SEC61A2: variants seen among roughly 807,000 people sequenced by gnomAD.
SEC61A2 encodes protein transport protein Sec61 subunit alpha isoform 2.
SEC61A2 carries 28 observed loss-of-function variants against 59.9 expected under a neutral mutation model. That is an observed-to-expected ratio of 0.47 (90% CI 0.35 to 0.64). The LOEUF (loss-of-function observed/expected upper bound fraction) is 0.64. Among genes scored for constraint, SEC61A2 ranks in the 30% least tolerant of loss-of-function variants. The probability of loss-of-function intolerance (pLI) is 0.01; values close to 1 mark genes in which losing one functional copy is unlikely to be tolerated. For synonymous variants in SEC61A2, 202 were observed against 214.4 expected, an observed-to-expected ratio of 0.94 and a Z score of 0.50; for missense variants, 340 against 585.9, an observed-to-expected ratio of 0.58 and a Z score of 4.33.
At position 12,131,712 on chromosome 10, in the gene SEC61A2, A is replaced by T. The variant is rs1366867581; in HGVS notation, c.8-1529A>T. Among the ~76,000 whole-genome samples the T allele has an allele frequency of 8.5e-3, 180 of 21,068 alleles. 4 individuals carry two copies. The highest frequency in any genetic ancestry group is 0.02 in the African/African-American group (153 of 7,666). 13.8% of individuals were successfully genotyped at this position (21,068 alleles called of 152,430 possible). The stretch of plus-strand genomic sequence containing the variant: ...TTTTTTTTTTTTTTTTTTTTTTTTG[A>T]GACGGTCTCTCTCTGCTGCCCAGGC... On this transcript the variant is annotated intron_variant, in intron 1 of 11. Transcript: ENST00000298428.
intron 3 of SEC61A2, among the ~76,000 whole-genome samples, chr10:12,137,770 G>A (rs1833920810): frequency 6.6e-6 from 1 of 152,136 alleles, no homozygotes; most frequent in South Asian, 2.1e-4. Context: ...ACTTTGGCAG[G>A]CCAAAGTGGG....
Position 12,129,685 on chromosome 10 carries a change from G to A in SEC61A2, c.-103G>A. ...GGTTGGGCGGAGCCTGCGCGGGGCC[G>A]GTAGGATCGCGTCGGGAGCCGGTAC... On this transcript the variant is annotated 5_prime_UTR_variant, in exon 1 of 12. Coordinates refer to ENST00000298428, the MANE Select transcript of SEC61A2 (RefSeq NM_018144.4). The surrounding 1 kb of genome is among the most constrained non-coding windows in gnomAD (Gnocchi z 5.6). The A allele has an allele frequency of 8.5e-7, 1 of 1,173,456 alleles. No individual in the cohort carries two copies. Among genetic ancestry groups the A allele is most frequent in the Non-Finnish European group, 1.2e-6 (1 of 847,198 alleles). The allele number at this position is 1,173,456 out of a possible 1,614,324, so 72.7% of individuals were successfully genotyped here. A position where few individuals can be genotyped will look rare whatever the true frequency, so the allele number is the denominator to read the frequency against.
At position 12,158,535 on chromosome 10, in the gene SEC61A2, A is replaced by G. The variant is rs1306318174; in HGVS notation, c.975+430A>G. ...CACCTGAGGTCAGGAGTTCGAGACC[A>G]GCCTGGCCACATGGTGAAACCCCGT... On this transcript the variant is annotated intron_variant, in intron 9 of 11. Transcript: ENST00000298428. This position sits in a 1 kb window ranked among gnomAD's most constrained non-coding sequence, Gnocchi z 5.7. Among the ~76,000 whole-genome samples, 2 of 152,136 alleles carry G rather than the reference A, an allele frequency of 1.3e-5. No individual in the cohort carries two copies. The highest frequency in any genetic ancestry group is 6.5e-5 in the Admixed American group (1 of 15,268).
Position 12,142,870 on chromosome 10 carries a change from T to C in SEC61A2, c.142-247T>C, listed in dbSNP as rs1261829825. 2.0e-5 allele frequency among the ~76,000 whole-genome samples: 3 copies of C among 152,220 alleles called. No individual in the cohort carries two copies. The highest frequency in any genetic ancestry group is 2.9e-5 in the Non-Finnish European group (2 of 68,046). On this transcript the variant is annotated intron_variant, in intron 3 of 11. Coordinates refer to ENST00000298428, the MANE Select transcript of SEC61A2 (RefSeq NM_018144.4). This position sits in a 1 kb window ranked among gnomAD's most constrained non-coding sequence, Gnocchi z 5.4. ...AATAAACAGCTTTACCTTGAAGATA[T>C]GCTTGTTTTTGTTGAAGAACATAAG...
downstream of SEC61A2, chr10:12,168,021 A>T: frequency 3.3e-6 from 3 of 922,824 alleles, no homozygotes; most frequent in Non-Finnish European, 4.3e-6. This position sits in a 1 kb window ranked among gnomAD's most constrained non-coding sequence, Gnocchi z 4.8. Context: ...AACATCAGGG[A>T]TAATGATTTT....
chr10:12,167,313 C>A (rs551483580), downstream of SEC61A2: 7 of 174,584 alleles, frequency 4.0e-5, no homozygotes, highest in Non-Finnish European at 6.2e-5. Context: ...TATTTGCATA[C>A]CCAGCTTAGA....
intron 3 of SEC61A2, among the ~76,000 whole-genome samples, chr10:12,140,028 C>T (rs1038640089): frequency 2.8e-4 from 42 of 151,690 alleles, no homozygotes; most frequent in African/African-American, 9.7e-4. Context: ...GTAGAGGGGC[C>T]GAGAGCTGCT....
At position 12,160,209 on chromosome 10, in the gene SEC61A2, G is replaced by T. The variant is rs1170854847; in HGVS notation, c.976-721G>T. On this transcript the variant is annotated intron_variant, in intron 9 of 11. Coordinates refer to ENST00000298428, the MANE Select transcript of SEC61A2 (RefSeq NM_018144.4). The surrounding 1 kb of genome is among the most constrained non-coding windows in gnomAD (Gnocchi z 4.1). ...GATTTTGAGTAAGATTCTTCTGAAT[G>T]AGAGAATGATTGGGAGATAGTGCTT... Among the ~76,000 whole-genome samples, 1 of 152,184 alleles carries T rather than the reference G, an allele frequency of 6.6e-6. No homozygotes were observed. The highest frequency in any genetic ancestry group is 1.5e-5 in the Non-Finnish European group (1 of 68,022).
rs1308492830 is a variant in SEC61A2, at chr10:12,155,739, T to G, written c.463-39T>G. 1.2e-6 allele frequency: 2 copies of G among 1,612,570 alleles called. No individual in the cohort carries two copies. Among genetic ancestry groups the G allele is most frequent in the Non-Finnish European group, 1.7e-6 (2 of 1,178,656 alleles). On this transcript the variant is annotated intron_variant, in intron 6 of 11. Coordinates refer to ENST00000298428, the MANE Select transcript of SEC61A2 (RefSeq NM_018144.4). This position sits in a 1 kb window ranked among gnomAD's most constrained non-coding sequence, Gnocchi z 4.3. ...TGTTCCTCTCCCCCTTTCTTGAGTT[T>G]GTTCTTGCTTCCGCTTACTTGCATT...
intron 3 of SEC61A2, 125 bp downstream of exon 3, chr10:12,136,295 T>A: frequency 1.9e-6 from 1 of 517,344 alleles, no homozygotes; most frequent in Non-Finnish European, 3.4e-6. Context: ...AGCATTATTA[T>A]CCTTTTTATT....
downstream of SEC61A2, chr10:12,166,497 T>TA (rs1667007041): frequency 3.5e-6 from 1 of 285,714 alleles, no homozygotes; most frequent in Admixed American, 4.5e-5. Flanking sequence ...GTAAAGATCT[T>TA]ACAGTTTCAC....
Position 12,153,858 on chromosome 10 carries a change from C to G in SEC61A2, c.463-1920C>G. 1 of 1,509,656 alleles carries G rather than the reference C, an allele frequency of 6.6e-7. No individual in the cohort carries two copies. Among genetic ancestry groups the G allele is most frequent in the South Asian group, 1.3e-5 (1 of 79,024 alleles). The allele number at this position is 1,509,656 out of a possible 1,614,324, so 93.5% of individuals were successfully genotyped here. A position where few individuals can be genotyped will look rare whatever the true frequency, so the allele number is the denominator to read the frequency against. ...TGCCGTTGTGGAAGGTATTTCTCACCTTATTTGTTTATGTTTCATTCACGT... is the reference window on the plus strand; with the variant it reads ...TGCCGTTGTGGAAGGTATTTCTCACGTTATTTGTTTATGTTTCATTCACGT... On this transcript the variant is annotated intron_variant, in intron 6 of 11. Coordinates refer to ENST00000298428, the MANE Select transcript of SEC61A2 (RefSeq NM_018144.4). The surrounding 1 kb of genome is among the most constrained non-coding windows in gnomAD (Gnocchi z 5.2).
chr10:12,165,894 C>T (rs928597136), downstream of SEC61A2: 3 of 152,136 alleles, frequency 2.0e-5, no homozygotes, highest in African/African-American at 7.2e-5. Context: ...AAACATCCAC[C>T]CAGTGTTATG....
rs1336487560 is a variant in SEC61A2 at position 12,161,483 on chromosome 10, C to A, written c.1167+362C>A. Among the ~76,000 whole-genome samples the A allele has an allele frequency of 6.6e-6, 1 of 152,264 alleles. No homozygotes were observed. ...AAAGGCCAGGCGCAGTGGTTCACGCCTGTAATCCCAGCACTTCGGGAGGCC... is the reference window on the plus strand; with the variant it reads ...AAAGGCCAGGCGCAGTGGTTCACGCATGTAATCCCAGCACTTCGGGAGGCC... On this transcript the variant is annotated intron_variant, in intron 10 of 11. Coordinates refer to ENST00000298428, the MANE Select transcript of SEC61A2 (RefSeq NM_018144.4). This position sits in a 1 kb window ranked among gnomAD's most constrained non-coding sequence, Gnocchi z 5.4.
rs1834267245 is a variant in SEC61A2 at position 12,151,319 on chromosome 10, T to TC, written c.462+1358_462+1359insC. Among the ~76,000 whole-genome samples the TC allele has an allele frequency of 2.7e-5, 4 of 149,134 alleles. No individual in the cohort carries two copies. In the South Asian group the frequency reaches 8.3e-4, roughly 31 times the overall value. ...GGAAATTTTTTCTTTTTCTTTTCTT[T>TC]TTTTTTTTTTTGAGACACAGTCTTG... On this transcript the variant is annotated intron_variant, in intron 6 of 11. Transcript: ENST00000298428.
downstream of SEC61A2, chr10:12,167,143 A>G (rs78323220): frequency 6.7e-4 from 107 of 159,114 alleles, no homozygotes; most frequent in Admixed American, 2.0e-3. Context: ...GCCTCAGTAA[A>G]TAGATGAACT....
At position 12,131,302 on chromosome 10, in the gene SEC61A2, G is replaced by A. The variant is rs188885439; in HGVS notation, c.7+1508G>A. Among the ~76,000 whole-genome samples the A allele has an allele frequency of 8.1e-4, 123 of 152,334 alleles. 2 individuals carry two copies. Among genetic ancestry groups the A allele is most frequent in the Admixed American group, 5.8e-3 (88 of 15,298 alleles). On this transcript the variant is annotated intron_variant, in intron 1 of 11. Transcript: ENST00000298428. ...GTCAGCTTTAAGACAATTTTGGGAT[G>A]TTGGTATATAGAATCCAGTGTCTGT...
chr10:12,134,282 C>T (rs2131643704), intron 2 of SEC61A2, among the ~76,000 whole-genome samples: 1 of 152,364 alleles, frequency 6.6e-6, no homozygotes, highest in African/African-American at 2.4e-5. Context: ...GCTGGGATTA[C>T]AGGCGTGAGC....
At position 12,160,062 on chromosome 10, in the gene SEC61A2, G is replaced by C. The variant is rs931031787; in HGVS notation, c.976-868G>C. ...TATATCGAGGACAGGAAAGTCAAGAGACAGGAATAAGAAGAATGCTGTTTC... is the reference window on the plus strand; with the variant it reads ...TATATCGAGGACAGGAAAGTCAAGACACAGGAATAAGAAGAATGCTGTTTC... On this transcript the variant is annotated intron_variant, in intron 9 of 11. Transcript: ENST00000298428. This position sits in a 1 kb window ranked among gnomAD's most constrained non-coding sequence, Gnocchi z 4.1. Among the ~76,000 whole-genome samples the C allele has an allele frequency of 6.6e-6, 1 of 152,124 alleles. No individual in the cohort carries two copies. The highest frequency in any genetic ancestry group is 1.5e-5 in the Non-Finnish European group (1 of 68,028).
Sources: allele counts gnomAD v4.1 joint callset (sites outside exome capture counted in the v4.1 genomes callset), GRCh38; gene constraint gnomAD v4.1.1; non-coding constraint Gnocchi (gnomAD v3.1); transcripts MANE v1.5; gene names NCBI Gene and HGNC (gene_info 2026-07-23, HGNC 2026-07-21).